Variants in LRP11 observed in about 807,000 individuals in gnomAD.
LRP11 encodes the protein LDL receptor related protein 11, also known as low-density lipoprotein receptor-related protein 11.
LRP11 carries 25 observed loss-of-function variants against 43.1 expected under a neutral mutation model. That is an observed-to-expected ratio of 0.58 (90% CI 0.42 to 0.81). The LOEUF (loss-of-function observed/expected upper bound fraction) is 0.81. Among genes scored for constraint, LRP11 ranks in the 30% least tolerant of loss-of-function variants. The pLI, the probability that LRP11 is intolerant of heterozygous loss-of-function variation, is 0.00. For synonymous variants in LRP11, 316 were observed against 299.4 expected, an observed-to-expected ratio of 1.06 and a Z score of -0.57; for missense variants, 623 against 665.1, an observed-to-expected ratio of 0.94 and a Z score of 0.70.
At chr6:149,862,104 G>C (rs1776911916) in intron 1 of LRP11, among the ~76,000 whole-genome samples, 1 of 152,200 alleles carries the variant, frequency 6.6e-6, no homozygotes, top group African/African-American at 2.4e-5. Context: ...CACTTCAGAA[G>C]GAAAGCTATG....
At chr6:149,850,357 G>A (rs1201142328) in intron 2 of LRP11, among the ~76,000 whole-genome samples, 1 of 152,164 alleles carries the variant, frequency 6.6e-6, no homozygotes, top group East Asian at 1.9e-4. Context: ...TGTGAAATAA[G>A]GCTGCTCAAG....
At chr6:149,838,040 C>G (rs935828316) in intron 3 of LRP11, among the ~76,000 whole-genome samples, 3 of 152,120 alleles carry the variant, frequency 2.0e-5, no homozygotes, top group Non-Finnish European at 4.4e-5. Flanking sequence ...GCCTCAGCCT[C>G]TGGAGTAGCT....
At chr6:149,850,707 C>T (rs1430499781) in intron 2 of LRP11, among the ~76,000 whole-genome samples, 1 of 152,060 alleles carries the variant, frequency 6.6e-6, no homozygotes, top group Non-Finnish European at 1.5e-5. Flanking sequence ...AGTCAATTAC[C>T]CCTATATACC....
At chr6:149,842,772 G>A in intron 3 of LRP11, 1 of 1,339,086 alleles carries the variant, frequency 7.5e-7, no homozygotes, top group South Asian at 1.3e-5. Flanking sequence ...CCCCTGGAGT[G>A]CTTCCTCCAC....
chr6:149,836,272 G>T lies in LRP11; in HGVS notation c.1065C>A (p.Thr355=), dbSNP rs1776470338. ...GCAGGGCAGGACTAGCTGCCGTGTG[G>T]GTTACCATCTTGCGGTCCAGGCCCA... The part of the protein sequence containing the change: ...QNLGLDRKMV[T]HTAASPALPR... Residue 355 remains threonine (T), a synonymous_variant, in exon 5 of 7, where the codon ACC becomes ACA. Transcript: ENST00000239367. The T allele has an allele frequency of 6.2e-7, 1 of 1,614,014 alleles. No homozygotes were observed. The highest frequency in any genetic ancestry group is 1.7e-5 in the Admixed American group (1 of 59,992).
At chr6:149,825,868 T>C (rs1208542551) in intron 6 of LRP11, among the ~76,000 whole-genome samples, 1 of 152,152 alleles carries the variant, frequency 6.6e-6, no homozygotes, top group Non-Finnish European at 1.5e-5. Flanking sequence ...AGGCCGGTCT[T>C]GAACTCCTGA....
rs17854254 is a variant in LRP11, at chr6:149,836,285, C to T, written c.1052G>A (p.Arg351His). 2.3e-5 allele frequency: 37 copies of T among 1,613,966 alleles called. No homozygotes were observed. Among genetic ancestry groups the T allele is most frequent in the African/African-American group, 1.3e-4 (10 of 74,930 alleles). ...EDFCQNLGLD[R>H]KMVTHTAASP... Reference sequence around the variant, plus strand: ...AGCTGCCGTGTGGGTTACCATCTTGCGGTCCAGGCCCACTGAAGTGTGGAA... The same window carrying T: ...AGCTGCCGTGTGGGTTACCATCTTGTGGTCCAGGCCCACTGAAGTGTGGAA... Residue 351 changes from arginine (R) to histidine (H), a missense_variant, in exon 5 of 7, where the codon CGC becomes CAC. Transcript: ENST00000239367.
chr6:149,828,932 C>T (rs1461970652), intron 5 of LRP11, among the ~76,000 whole-genome samples: 2 of 152,048 alleles, frequency 1.3e-5, no homozygotes, highest in African/African-American at 4.8e-5. Context: ...GTCAATAATG[C>T]CTGATTTTTT....
chr6:149,843,369 G>A (rs1460557742), intron 2 of LRP11, among the ~76,000 whole-genome samples: 2 of 152,196 alleles, frequency 1.3e-5, no homozygotes, highest in South Asian at 4.1e-4. Flanking sequence ...AGCAGTTGCT[G>A]CTCCAAACCT....
rs371377255 is a variant in LRP11 at position 149,863,895 on chromosome 6, C to T, written c.126G>A (p.Ala42=). The change falls in exon 1 of 7, where the codon GCG becomes GCA. Residue 42 remains alanine, a synonymous_variant. Coordinates refer to ENST00000239367, the MANE Select transcript of LRP11 (RefSeq NM_032832.6). ...GCGCGTGCAGTTCGGACAGCGGCGC[C>T]GCGGGCGGCAAGGCCGCACGGCCGC... ...LPSGRAALPP[A]APLSELHAQL... 2 of 1,489,910 alleles carry T rather than the reference C, an allele frequency of 1.3e-6. No homozygotes were observed. Among genetic ancestry groups the T allele is most frequent in the African/African-American group, 1.5e-5 (1 of 68,576 alleles). 92.3% of individuals were successfully genotyped at this position (1,489,910 alleles called of 1,614,324 possible). A position where few individuals can be genotyped will look rare whatever the true frequency, so the allele number is the denominator to read the frequency against.
At position 149,863,779 on chromosome 6, in the gene LRP11, G is replaced by A. The variant is rs1415532026; in HGVS notation, c.242C>T (p.Ala81Val). Residue 81 changes from alanine (A) to valine (V), a missense_variant, in exon 1 of 7, where the codon GCG (alanine) becomes GTG (valine). By Grantham distance (64) the Ala-to-Val change is moderately conservative. Transcript: ENST00000239367. ...GCAGTCCTCCTGGGGGCCGCCGCCC[G>A]CGCGCAGCTCCAGCTCCAGCTCCTC... ...PQEELELELR[A>V]GGGPQEDCPG... The A allele has an allele frequency of 6.8e-7, 1 of 1,477,998 alleles. No homozygotes were observed. The highest frequency in any genetic ancestry group is 8.9e-7 in the Non-Finnish European group (1 of 1,120,864). The allele number at this position is 1,477,998 out of a possible 1,614,324, so 91.6% of individuals were successfully genotyped here.
chr6:149,837,099 TAGAA>T (rs1385344991), intron 4 of LRP11, among the ~76,000 whole-genome samples: 2 of 152,146 alleles, frequency 1.3e-5, no homozygotes, highest in African/African-American at 4.8e-5. Context: ...ATTTTTAGGA[TAGAA>T]AGAACCTGGA....
At chr6:149,845,878 T>C (rs1249171930) in intron 2 of LRP11, among the ~76,000 whole-genome samples, 1 of 152,002 alleles carries the variant, frequency 6.6e-6, no homozygotes, top group Non-Finnish European at 1.5e-5. Context: ...TTGCATTTAA[T>C]GATCCTTCTA....
At chr6:149,862,596 T>TTTTTAA (rs1776931529) in intron 1 of LRP11, among the ~76,000 whole-genome samples, 1 of 129,624 alleles carries the variant, frequency 7.7e-6, no homozygotes, top group African/African-American at 2.8e-5. Context: ...TTTTTTTTTT[T>TTTTTAA]AAGATGGAGT....
rs1393228138 is a variant in LRP11, at chr6:149,863,423, C to A, written c.598G>T (p.Ala200Ser). 1.5e-6 allele frequency: 2 copies of A among 1,319,166 alleles called. No individual in the cohort carries two copies. Among genetic ancestry groups the A allele is most frequent in the African/African-American group, 1.5e-5 (1 of 65,808 alleles). The allele number at this position is 1,319,166 out of a possible 1,614,324, so 81.7% of individuals were successfully genotyped here. A position where few individuals can be genotyped will look rare whatever the true frequency, so the allele number is the denominator to read the frequency against. Reference sequence around the variant, plus strand: ...GCGCGCTTACCCTGCCGGGGCGAGGCGCGCGCGGTGGCCAGGGCGGCGCCG... The same window carrying A: ...GCGCGCTTACCCTGCCGGGGCGAGGAGCGCGCGGTGGCCAGGGCGGCGCCG... ...PDGAALATARASPRQEKDAPP... is the reference protein window; with the variant it reads ...PDGAALATARSSPRQEKDAPP... The change falls in exon 1 of 7, where the codon GCC (alanine) becomes TCC (serine). Residue 200 changes from alanine (A) to serine (S), a missense_variant. By Grantham distance (99) the Ala-to-Ser change is moderately conservative (BLOSUM62 1). Transcript: ENST00000239367.
In LRP11 at chr6:149,859,396, A is replaced by ATATATTTTTTTT; in HGVS notation, c.613+4011_613+4012insAAAAAAAATATA. Among the ~76,000 whole-genome samples the ATATATTTTTTTT allele has an allele frequency of 8.1e-4, 58 of 71,492 alleles. 1 individual carries two copies. Among genetic ancestry groups the ATATATTTTTTTT allele is most frequent in the African/African-American group, 4.5e-3 (55 of 12,234 alleles). The allele number at this position is 71,492 out of a possible 152,430, so 46.9% of individuals were successfully genotyped here. A position where few individuals can be genotyped will look rare whatever the true frequency, so the allele number is the denominator to read the frequency against. The stretch of plus-strand genomic sequence containing the variant: ...CTGACTCATATATATATATATATAT[A>ATATATTTTTTTT]TTTTTTTTTTTTTTTTTTTGACCGA... On this transcript the variant is annotated intron_variant, in intron 1 of 6. Coordinates refer to ENST00000239367, the MANE Select transcript of LRP11 (RefSeq NM_032832.6).
chr6:149,831,534 C>T (rs887621783), intron 5 of LRP11, among the ~76,000 whole-genome samples: 1 of 152,238 alleles, frequency 6.6e-6, no homozygotes, highest in Non-Finnish European at 1.5e-5. Flanking sequence ...GAGCTCTGTG[C>T]TCCTCCTGCC....
At chr6:149,860,069 T>A (rs1050525239) in intron 1 of LRP11, among the ~76,000 whole-genome samples, 84 of 152,250 alleles carry the variant, frequency 5.5e-4, no homozygotes, top group Non-Finnish European at 8.7e-4. Context: ...TGTGAGAAAG[T>A]AAGGCCCTTG....
At chr6:149,837,505 C>A in intron 3 of LRP11, 42 bp from the exon 4 acceptor site, 2 of 1,600,332 alleles carry the variant, frequency 1.2e-6, no homozygotes, top group South Asian at 2.2e-5. Flanking sequence ...TGCAGAAGTT[C>A]AGACTCTCAA....
Sources: allele counts gnomAD v4.1 joint callset (sites outside exome capture counted in the v4.1 genomes callset), GRCh38; gene constraint gnomAD v4.1.1; transcripts MANE v1.5; gene names NCBI Gene and HGNC (gene_info 2026-07-23, HGNC 2026-07-21).